The following SMIM8 variants were observed in gnomAD, a reference collection of about 807,000 sequenced individuals.
SMIM8 encodes UPF0708 protein C6orf162.
SMIM8 carries 8 observed loss-of-function variants against 8.1 expected under a neutral mutation model. That is an observed-to-expected ratio of 0.99 (90% CI 0.58 to 1.78). SMIM8 has a LOEUF of 1.78. SMIM8 is among the 40% of genes most tolerant of loss of function. The pLI, the probability that SMIM8 is intolerant of heterozygous loss-of-function variation, is 0.00. For synonymous variants in SMIM8, 45 were observed against 39.7 expected, an observed-to-expected ratio of 1.13 and a Z score of -0.50; for missense variants, 126 against 119.8, an observed-to-expected ratio of 1.05 and a Z score of -0.24.
chr6:87,334,300 T>A (rs1263504229), intron 2 of SMIM8, among the ~76,000 whole-genome samples: 1 of 152,184 alleles, frequency 6.6e-6, no homozygotes, highest in East Asian at 1.9e-4. Context: ...CGAACAAACT[T>A]TGGGCATATT....
intron 1 of SMIM8, among the ~76,000 whole-genome samples, chr6:87,328,832 C>G (rs986620347): frequency 1.3e-5 from 2 of 152,196 alleles, no homozygotes; most frequent in African/African-American, 4.8e-5. Flanking sequence ...TGGGCAATGG[C>G]GGGCGCCCCT....
intron 1 of SMIM8, among the ~76,000 whole-genome samples, chr6:87,324,221 G>C (rs1776758711): frequency 6.6e-6 from 1 of 152,086 alleles, no homozygotes; most frequent in Non-Finnish European, 1.5e-5. Context: ...CCATTTTGTA[G>C]GTTGCCTGTT....
At chr6:87,339,351 TG>T (rs1777172854) in intron 3 of SMIM8, among the ~76,000 whole-genome samples, 1 of 150,000 alleles carries the variant, frequency 6.7e-6, no homozygotes, top group African/African-American at 2.5e-5. Context: ...TGTGTGTGTG[TG>T]TGTGTGTGTG....
rs945166071 is a variant in SMIM8, at chr6:87,336,412, C to T, written c.-23-597C>T. On this transcript the variant is annotated intron_variant, in intron 2 of 3. Transcript: ENST00000392863. ...TATTCAGATTAAGGAGATAGCAGGG[C>T]ATAACCTACCCAGAAAGTTGCTGAT... Among the ~76,000 whole-genome samples, 27 of 152,270 alleles carry T rather than the reference C, an allele frequency of 1.8e-4. 1 individual carries two copies. The highest frequency in any genetic ancestry group is 7.3e-5 in the Non-Finnish European group (5 of 68,028).
intron 1 of SMIM8, among the ~76,000 whole-genome samples, chr6:87,324,121 CTTTG>C (rs1175770420): frequency 2.0e-5 from 3 of 151,500 alleles, no homozygotes; most frequent in Non-Finnish European, 4.4e-5. Flanking sequence ...TGATGGGGTT[CTTTG>C]TTTTTGTCTT....
At chr6:87,336,781 C>T (rs1388459162) in intron 2 of SMIM8, among the ~76,000 whole-genome samples, 3 of 152,036 alleles carry the variant, frequency 2.0e-5, no homozygotes, top group Non-Finnish European at 4.4e-5. Flanking sequence ...CAACCTTTGC[C>T]CACCACTTTT....
intron 2 of SMIM8, among the ~76,000 whole-genome samples, chr6:87,334,901 C>T (rs447077): frequency 0.45 from 68,425 of 151,974 alleles, 15,616 homozygotes; most frequent in Non-Finnish European, 0.48. Flanking sequence ...TGCCAGTAGA[C>T]AATTGGTCTG....
chr6:87,338,466 G>A (rs1006388895), intron 3 of SMIM8, among the ~76,000 whole-genome samples: 3 of 152,202 alleles, frequency 2.0e-5, no homozygotes, highest in Admixed American at 2.0e-4. Flanking sequence ...TTGCAGAAAT[G>A]ACATTGATTA....
At chr6:87,336,756 A>C (rs1220301582) in intron 2 of SMIM8, among the ~76,000 whole-genome samples, 2 of 152,234 alleles carry the variant, frequency 1.3e-5, no homozygotes, top group African/African-American at 4.8e-5. Context: ...CCAGTCTTCT[A>C]TAAAAGCAGG....
intron 2 of SMIM8, among the ~76,000 whole-genome samples, chr6:87,336,751 C>T (rs965022703): frequency 1.3e-5 from 2 of 152,076 alleles, no homozygotes; most frequent in Non-Finnish European, 2.9e-5. Flanking sequence ...ATTCTCCAGT[C>T]TTCTATAAAA....
At chr6:87,330,315 G>A (rs984231189) in intron 1 of SMIM8, among the ~76,000 whole-genome samples, 17 of 151,918 alleles carry the variant, frequency 1.1e-4, no homozygotes, top group Non-Finnish European at 2.9e-5. Context: ...TTATGATTCT[G>A]GTCATTTTGT....
intron 1 of SMIM8, 93 bp from the exon 2 acceptor site, chr6:87,330,599 A>C (rs1418455006): frequency 4.0e-5 from 6 of 151,800 alleles, no homozygotes; most frequent in African/African-American, 2.4e-5. Context: ...CTATTCTTAC[A>C]CTTTGAGATG....
chr6:87,328,342 T>G (rs1349464382), intron 1 of SMIM8, among the ~76,000 whole-genome samples: 1 of 152,220 alleles, frequency 6.6e-6, no homozygotes, highest in African/African-American at 2.4e-5. Flanking sequence ...TTTTTAGAGT[T>G]TCCAGTTTTT....
chr6:87,338,091 A>G (rs1582097371), intron 3 of SMIM8, among the ~76,000 whole-genome samples: 1 of 152,378 alleles, frequency 6.6e-6, no homozygotes, highest in Non-Finnish European at 1.5e-5. Flanking sequence ...TAATCAGATC[A>G]TTAAATCAAG....
At chr6:87,323,466 T>A (rs1293501215) in intron 1 of SMIM8, among the ~76,000 whole-genome samples, 1 of 124,068 alleles carries the variant, frequency 8.1e-6, no homozygotes, top group Admixed American at 1.0e-4. Context: ...GATGTTCCCC[T>A]TCCTGTGTCC....
intron 1 of SMIM8, among the ~76,000 whole-genome samples, chr6:87,326,214 C>T (rs1356151167): frequency 6.6e-6 from 1 of 152,174 alleles, no homozygotes; most frequent in Non-Finnish European, 1.5e-5. Flanking sequence ...GTTCAAAAAA[C>T]CAGCTCCTGG....
intron 1 of SMIM8, among the ~76,000 whole-genome samples, chr6:87,326,166 T>C (rs367353): frequency 0.4 from 60,221 of 152,064 alleles, 12,865 homozygotes; most frequent in Non-Finnish European, 0.48. Context: ...TTTTTATCTT[T>C]ATTAGTCTTG....
At chr6:87,337,295 A>G in intron 3 of SMIM8, 129 bp downstream of exon 3, 1 of 988,628 alleles carries the variant, frequency 1.0e-6, no homozygotes, top group South Asian at 2.7e-5. Flanking sequence ...TGTGAATAAA[A>G]GCAGGTGGAA....
intron 2 of SMIM8, among the ~76,000 whole-genome samples, chr6:87,331,864 T>C (rs1349792348): frequency 1.3e-5 from 2 of 152,106 alleles, no homozygotes; most frequent in African/African-American, 4.8e-5. Context: ...TGATAAATAA[T>C]AGAAAATGTT....
Sources: allele counts gnomAD v4.1 joint callset (sites outside exome capture counted in the v4.1 genomes callset), GRCh38; gene constraint gnomAD v4.1.1; transcripts MANE v1.5; gene names NCBI Gene and HGNC (gene_info 2026-07-23, HGNC 2026-07-21).